LUZP2: variants seen among roughly 807,000 people sequenced by gnomAD.
The protein encoded by LUZP2 is leucine zipper protein 2.
A neutral mutation model predicts 51.6 loss-of-function variants in LUZP2; 52 were observed. That is an observed-to-expected ratio of 1.01 (90% CI 0.81 to 1.27). LUZP2 has a LOEUF of 1.27. Ranked by LOEUF, LUZP2 falls within the 50% of genes most tolerant of loss-of-function variation. The pLI is 0.00. For synonymous variants in LUZP2, 154 were observed against 137.3 expected (o/e 1.12, Z -0.85); for missense variants, 436 against 395.4 (o/e 1.10, Z -0.87).
intron 1 of LUZP2, among the ~76,000 whole-genome samples, chr11:24,677,787 C>T (rs930884334): frequency 1.3e-5 from 2 of 152,012 alleles, no homozygotes; most frequent in Non-Finnish European, 2.9e-5. Flanking sequence ...TGGTGGCTCG[C>T]ACCTGTAATC....
At chr11:24,864,962 C>G (rs895818812) in intron 5 of LUZP2, among the ~76,000 whole-genome samples, 9 of 152,200 alleles carry the variant, frequency 5.9e-5, no homozygotes. Context: ...AATTGCATAT[C>G]GGTAGAACAA....
At chr11:25,069,209 A>G (rs994329818) in intron 10 of LUZP2, among the ~76,000 whole-genome samples, 1 of 151,982 alleles carries the variant, frequency 6.6e-6, no homozygotes, top group Non-Finnish European at 1.5e-5. Flanking sequence ...AAAATGGAAG[A>G]AAGAAAATAT....
intron 7 of LUZP2, among the ~76,000 whole-genome samples, chr11:24,961,646 C>T (rs978296254): frequency 3.3e-5 from 5 of 152,090 alleles, no homozygotes; most frequent in African/African-American, 7.2e-5. Context: ...TGTGTCTCTG[C>T]ATGTGAGATG....
At chr11:24,971,224 G>A (rs1193293690) in intron 7 of LUZP2, among the ~76,000 whole-genome samples, 3 of 152,098 alleles carry the variant, frequency 2.0e-5, no homozygotes, top group East Asian at 1.9e-4. Flanking sequence ...AGATGGGGTC[G>A]GGGAGGGGTT....
chr11:24,680,744 T>G (rs1215802574), intron 1 of LUZP2, among the ~76,000 whole-genome samples: 1 of 152,132 alleles, frequency 6.6e-6, no homozygotes, highest in Non-Finnish European at 1.5e-5. Context: ...AACAAATTCC[T>G]TACGAAATAT....
intron 1 of LUZP2, among the ~76,000 whole-genome samples, chr11:24,585,375 G>C (rs10742044): frequency 6.6e-6 from 1 of 151,926 alleles, no homozygotes; most frequent in Non-Finnish European, 1.5e-5. Flanking sequence ...ACTGAGACTT[G>C]CTTGTAAATC....
At chr11:24,608,758 A>G (rs562786933) in intron 1 of LUZP2, among the ~76,000 whole-genome samples, 6 of 152,356 alleles carry the variant, frequency 3.9e-5, no homozygotes, top group African/African-American at 1.2e-4. Flanking sequence ...AATACAAACT[A>G]TAGACTTAAA....
chr11:24,913,278 A>G (rs1050535847), intron 6 of LUZP2, among the ~76,000 whole-genome samples: 3 of 152,170 alleles, frequency 2.0e-5, no homozygotes, highest in Non-Finnish European at 4.4e-5. Flanking sequence ...TATAGCTTCT[A>G]GTTACTGGAT....
At position 25,077,314 on chromosome 11, in the gene LUZP2, T is replaced by A. The variant is rs777491412; in HGVS notation, c.859-15T>A. On this transcript the variant is annotated splice_polypyrimidine_tract_variant and intron_variant, in intron 10 of 11. Transcript: ENST00000336930. ...TTTAACTTCATTGATGTATTTTTAA[T>A]TGCTACTTTTGTAGGAGGGCAGACC... 3.8e-6 allele frequency: 6 copies of A among 1,598,560 alleles called. No homozygotes were observed. Among genetic ancestry groups the A allele is most frequent in the Non-Finnish European group, 5.1e-6 (6 of 1,166,688 alleles).
At chr11:24,805,207 G>A (rs934163688) in intron 5 of LUZP2, among the ~76,000 whole-genome samples, 1 of 152,042 alleles carries the variant, frequency 6.6e-6, no homozygotes, top group Non-Finnish European at 1.5e-5. Context: ...GGCAAAGAGA[G>A]AGCTTGTGCA....
Position 24,639,024 on chromosome 11 carries a change from T to C in LUZP2, c.63-90145T>C, listed in dbSNP as rs192945507. Among the ~76,000 whole-genome samples, 39 of 151,964 alleles carry C rather than the reference T, an allele frequency of 2.6e-4. No individual in the cohort carries two copies. In the East Asian group the frequency reaches 6.6e-3, roughly 26 times the overall value. On this transcript the variant is annotated intron_variant, in intron 1 of 11. Transcript: ENST00000336930. ...TCAAAAACTTGTCAAAGACCTGTTATACTAAAAGCTCTAGACTCTTACCTT... is the reference window on the plus strand; with the variant it reads ...TCAAAAACTTGTCAAAGACCTGTTACACTAAAAGCTCTAGACTCTTACCTT...
chr11:24,575,012 A>G (rs1852597034), intron 1 of LUZP2, among the ~76,000 whole-genome samples: 2 of 152,152 alleles, frequency 1.3e-5, no homozygotes, highest in Non-Finnish European at 2.9e-5. Context: ...CACTGCTTAT[A>G]GATTACTCTT....
chr11:24,640,052 T>G (rs1855228589), intron 1 of LUZP2, among the ~76,000 whole-genome samples: 1 of 151,910 alleles, frequency 6.6e-6, no homozygotes, highest in South Asian at 2.1e-4. Flanking sequence ...GAAGACAGGC[T>G]CCTACCCTCC....
chr11:24,734,634 A>G (rs182638947), intron 3 of LUZP2, among the ~76,000 whole-genome samples: 3 of 152,042 alleles, frequency 2.0e-5, no homozygotes, highest in Non-Finnish European at 2.9e-5. Context: ...ATAAGATGTG[A>G]TGCATTCGTT....
intron 5 of LUZP2, among the ~76,000 whole-genome samples, chr11:24,770,325 G>T (rs1860359780): frequency 6.6e-6 from 1 of 152,064 alleles, no homozygotes; most frequent in East Asian, 1.9e-4. Context: ...TTTAAATTAG[G>T]TCAGTAATCA....
chr11:24,738,282 G>T lies in LUZP2; in HGVS notation c.313G>T (p.Ala105Ser). 6.2e-7 allele frequency: 1 copy of T among 1,612,300 alleles called. No homozygotes were observed. The highest frequency in any genetic ancestry group is 1.7e-4 in the Middle Eastern group (1 of 6,044). The stretch of plus-strand genomic sequence containing the variant: ...TCAGCTTAAGGAGACATCAGAGAAA[G>T]CAGAAAAACACCAGGCTACTGTAAG... ...QNQLKETSEK[A>S]EKHQATINFL... Residue 105 changes from alanine to serine, a missense_variant, in exon 4 of 12, where the codon GCA becomes TCA. Coordinates refer to ENST00000336930, the MANE Select transcript of LUZP2 (RefSeq NM_001009909.4).
chr11:24,597,494 G>A (rs1019838806), intron 1 of LUZP2, among the ~76,000 whole-genome samples: 9 of 152,164 alleles, frequency 5.9e-5, no homozygotes, highest in African/African-American at 2.2e-4. Flanking sequence ...AAAGATTGTT[G>A]AGTGCAGATA....
chr11:24,848,439 C>G (rs1446238297), intron 5 of LUZP2, among the ~76,000 whole-genome samples: 1 of 152,190 alleles, frequency 6.6e-6, no homozygotes, highest in Non-Finnish European at 1.5e-5. Context: ...GCTCTTGTCT[C>G]ATTATCTTCA....
intron 9 of LUZP2, among the ~76,000 whole-genome samples, chr11:25,036,799 A>C (rs1484976812): frequency 6.6e-6 from 1 of 151,894 alleles, no homozygotes; most frequent in Non-Finnish European, 1.5e-5. Flanking sequence ...TTTCTATTTT[A>C]TTGCACTGGG....
Sources: allele counts gnomAD v4.1 joint callset (sites outside exome capture counted in the v4.1 genomes callset), GRCh38; gene constraint gnomAD v4.1.1; transcripts MANE v1.5; gene names NCBI Gene and HGNC (gene_info 2026-07-23, HGNC 2026-07-21).